The following FAT3 variants were observed in gnomAD, a reference collection of about 807,000 sequenced individuals.
FAT3 encodes protocadherin Fat 3.
In FAT3, 95 loss-of-function variants were observed where a neutral mutation model predicts 310.2. The ratio of observed to expected loss-of-function variants is 0.31; its 90% CI spans 0.26 to 0.36. The LOEUF (loss-of-function observed/expected upper bound fraction) is 0.36, where lower values mean the gene tolerates loss of function less well. Among genes scored for constraint, FAT3 ranks in the 10% least tolerant of loss-of-function variants. The pLI is 1.00. For synonymous variants in FAT3, 2,314 were observed against 2,192.9 expected (o/e 1.06, Z -1.54); for missense variants, 5,408 against 5,715.6 (o/e 0.95, Z 1.74).
chr11:92,565,242 G>C (rs1955386275), intron 3 of FAT3, among the ~76,000 whole-genome samples: 1 of 151,650 alleles, frequency 6.6e-6, no homozygotes, highest in Admixed American at 6.6e-5. Flanking sequence ...ACTACCATCA[G>C]AGATTACTAC....
At chr11:92,750,880 C>T (rs145381446) in intron 4 of FAT3, among the ~76,000 whole-genome samples, 32 of 152,270 alleles carry the variant, frequency 2.1e-4, no homozygotes, top group African/African-American at 7.0e-4. Context: ...ACAAGAAGTA[C>T]GCCTAGACAG....
chr11:92,742,902 G>A (rs982615157), intron 4 of FAT3, among the ~76,000 whole-genome samples: 3 of 152,232 alleles, frequency 2.0e-5, no homozygotes, highest in Non-Finnish European at 2.9e-5. Context: ...ATCTGATTGT[G>A]TGATTAAAAC....
chr11:92,775,356 C>T (rs1388253896), intron 7 of FAT3, among the ~76,000 whole-genome samples: 1 of 152,196 alleles, frequency 6.6e-6, no homozygotes, highest in Non-Finnish European at 1.5e-5. Context: ...AAATATAATG[C>T]AACTCTTTTC....
intron 1 of FAT3, among the ~76,000 whole-genome samples, chr11:92,313,946 G>A (rs1252511431): frequency 6.6e-6 from 1 of 152,234 alleles, no homozygotes; most frequent in African/African-American, 2.4e-5. Flanking sequence ...ACATTCTACT[G>A]GAGCAGAACT....
At chr11:92,310,327 T>G (rs1947264943) in intron 1 of FAT3, among the ~76,000 whole-genome samples, 1 of 152,188 alleles carries the variant, frequency 6.6e-6, no homozygotes, top group Non-Finnish European at 1.5e-5. Context: ...TTTACATTAA[T>G]TGGTCAGTTA....
chr11:92,604,482 C>G (rs537363476), intron 3 of FAT3, among the ~76,000 whole-genome samples: 1 of 152,292 alleles, frequency 6.6e-6, no homozygotes, highest in South Asian at 2.1e-4. Context: ...TCCAGTCTCA[C>G]AGATTATCCC....
intron 1 of FAT3, among the ~76,000 whole-genome samples, chr11:92,278,816 A>G (rs1946348132): frequency 1.3e-5 from 2 of 152,162 alleles, no homozygotes; most frequent in Non-Finnish European, 2.9e-5. Flanking sequence ...GTATGGAGCT[A>G]GAGGGAGGGA....
chr11:92,647,741 A>C (rs1186428746), intron 3 of FAT3, among the ~76,000 whole-genome samples: 1 of 152,106 alleles, frequency 6.6e-6, no homozygotes, highest in African/African-American at 2.4e-5. Flanking sequence ...GAATTTCCTC[A>C]ATCATGTTTC....
At chr11:92,275,279 T>C (rs1033849940) in intron 1 of FAT3, among the ~76,000 whole-genome samples, 2 of 152,100 alleles carry the variant, frequency 1.3e-5, no homozygotes, top group African/African-American at 4.8e-5. Flanking sequence ...CTAGCAATCC[T>C]TCCATGTTGC....
At chr11:92,451,264 G>A (rs1951346188) in intron 2 of FAT3, among the ~76,000 whole-genome samples, 1 of 152,124 alleles carries the variant, frequency 6.6e-6, no homozygotes, top group Admixed American at 6.6e-5. Flanking sequence ...GGTCACTCTG[G>A]TGGAGCTTGT....
At chr11:92,363,178 T>C (rs984292847) in intron 2 of FAT3, among the ~76,000 whole-genome samples, 1 of 152,138 alleles carries the variant, frequency 6.6e-6, no homozygotes, top group Non-Finnish European at 1.5e-5. Flanking sequence ...AACAATTGAG[T>C]AGCTTTTATT....
At chr11:92,439,864 G>A (rs1327303184) in intron 2 of FAT3, among the ~76,000 whole-genome samples, 2 of 151,722 alleles carry the variant, frequency 1.3e-5, no homozygotes, top group East Asian at 1.9e-4. Context: ...TGCTGTGAGC[G>A]TTGATCGCAC....
intron 5 of FAT3, 54 bp downstream of exon 5, chr11:92,762,224 C>G (rs2136087131): frequency 2.0e-6 from 3 of 1,503,992 alleles, no homozygotes; most frequent in Non-Finnish European, 2.7e-6. Context: ...TGGTTATGTT[C>G]TTATTCAAGT....
rs1280382955 is a variant in FAT3, at chr11:92,604,669, T to C, written c.3607+79721T>C. 2.0e-5 allele frequency among the ~76,000 whole-genome samples: 3 copies of C among 152,200 alleles called. No individual in the cohort carries two copies. The East Asian group carries it at 5.8e-4, about 29-fold the overall frequency. On this transcript the variant is annotated intron_variant, in intron 3 of 27. Coordinates refer to ENST00000525166, the MANE Select transcript of FAT3 (RefSeq NM_001367949.2). ...ATACTCATCCTGTATCACTTTGCCC[T>C]GTATATACCCATCCTGTATCACTTT...
intron 3 of FAT3, among the ~76,000 whole-genome samples, chr11:92,641,713 C>CT (rs1248273765): frequency 1.3e-5 from 2 of 152,182 alleles, no homozygotes; most frequent in Non-Finnish European, 2.9e-5. Flanking sequence ...TACAAAGATC[C>CT]TTTTTCCAAA....
At chr11:92,622,900 C>T (rs1283100694) in intron 3 of FAT3, among the ~76,000 whole-genome samples, 1 of 152,140 alleles carries the variant, frequency 6.6e-6, no homozygotes, top group Non-Finnish European at 1.5e-5. Flanking sequence ...GCTGTGTGAA[C>T]AAGCTTCCTC....
intron 1 of FAT3, among the ~76,000 whole-genome samples, chr11:92,276,305 T>A (rs578187660): frequency 6.6e-6 from 1 of 152,304 alleles, no homozygotes; most frequent in Admixed American, 6.5e-5. Flanking sequence ...AAATTAGTTT[T>A]AAGCAGAATT....
intron 3 of FAT3, among the ~76,000 whole-genome samples, chr11:92,682,001 A>ACTCCAC (rs1257198489): frequency 1.3e-5 from 2 of 152,258 alleles, no homozygotes; most frequent in Non-Finnish European, 2.9e-5. Context: ...TATTGTGGTT[A>ACTCCAC]CATGGTGGAG....
chr11:92,822,856 C>T (rs778428425), intron 13 of FAT3, among the ~76,000 whole-genome samples: 3 of 152,156 alleles, frequency 2.0e-5, no homozygotes, highest in Non-Finnish European at 2.9e-5. Context: ...ACCATTTATC[C>T]TTCTCTGAGT....
Sources: gnomAD v4.1 joint callset for allele counts (sites outside exome capture counted in the v4.1 genomes callset) on GRCh38, gnomAD v4.1.1 for gene constraint, MANE v1.5 for transcripts, NCBI Gene and HGNC (gene_info 2026-07-23, HGNC 2026-07-21) for gene names.